SPMIP2: variants seen among roughly 807,000 people sequenced by gnomAD.
The protein encoded by SPMIP2 is sperm microtubule inner protein 2.
chr4:158,919,985 G>A, the SPMIP2 span, among the ~76,000 whole-genome samples: 9 of 152,196 alleles, frequency 5.9e-5, no homozygotes, highest in East Asian at 1.9e-4. Context: ...ATTGGATTAC[G>A]GGTGTTGCAG....
chr4:159,002,878 G>C, the SPMIP2 span, among the ~76,000 whole-genome samples: 3 of 152,040 alleles, frequency 2.0e-5, no homozygotes, highest in Non-Finnish European at 4.4e-5. Context: ...GCAGTGCTAT[G>C]ATGGCTACCT....
At chr4:159,078,400 G>C in the SPMIP2 span, among the ~76,000 whole-genome samples, 1 of 152,208 alleles carries the variant, frequency 6.6e-6, no homozygotes, top group African/African-American at 2.4e-5. Context: ...TCGAAAAGAT[G>C]AGAGTGCGGA....
At chr4:159,032,886 T>C in the SPMIP2 span, among the ~76,000 whole-genome samples, 6 of 148,216 alleles carry the variant, frequency 4.0e-5, no homozygotes, top group Non-Finnish European at 7.4e-5. Context: ...ACATGCAAAA[T>C]AGTATAGCTA....
At chr4:158,921,882 T>C in the SPMIP2 span, among the ~76,000 whole-genome samples, 2 of 121,168 alleles carry the variant, frequency 1.7e-5, no homozygotes, top group Admixed American at 1.2e-4. Context: ...TCCTTCTACA[T>C]ACTTTTTTTT....
At chr4:159,049,435 C>T in the SPMIP2 span, among the ~76,000 whole-genome samples, 1 of 152,108 alleles carries the variant, frequency 6.6e-6, no homozygotes, top group African/African-American at 2.4e-5. Context: ...GAATGCAAAC[C>T]AAGTGATTTT....
At chr4:158,945,723 G>A in the SPMIP2 span, among the ~76,000 whole-genome samples, 4 of 152,154 alleles carry the variant, frequency 2.6e-5, no homozygotes, top group South Asian at 4.1e-4. Context: ...GCTATATGCC[G>A]CAGATAAGAC....
chr4:159,073,176 C>T, the SPMIP2 span, among the ~76,000 whole-genome samples: 1 of 151,906 alleles, frequency 6.6e-6, no homozygotes, highest in Non-Finnish European at 1.5e-5. Flanking sequence ...GTTTTGGAGA[C>T]AGGGTCTCAC....
chr4:159,035,172 G>A, the SPMIP2 span: 25 of 1,222,530 alleles, frequency 2.0e-5, no homozygotes, highest in African/African-American at 4.5e-5. Context: ...CAGAAAGAAC[G>A]AAAGACTCTG....
chr4:158,934,123 C>T, the SPMIP2 span, among the ~76,000 whole-genome samples: 1 of 152,274 alleles, frequency 6.6e-6, no homozygotes, highest in African/African-American at 2.4e-5. Flanking sequence ...AGGACTTGAA[C>T]TCAGAGTTGT....
At chr4:159,062,840 C>T in the SPMIP2 span, among the ~76,000 whole-genome samples, 2 of 151,804 alleles carry the variant, frequency 1.3e-5, no homozygotes, top group Non-Finnish European at 1.5e-5. Context: ...AGGTGTGCAC[C>T]ACCAGGCCTG....
the SPMIP2 span, among the ~76,000 whole-genome samples, chr4:159,066,694 G>A: frequency 6.6e-6 from 1 of 151,008 alleles, no homozygotes; most frequent in Non-Finnish European, 1.5e-5. Context: ...AAACTTGTCA[G>A]TTTGGACCCT....
chr4:158,900,388 A>G, the SPMIP2 span, among the ~76,000 whole-genome samples: 3 of 152,146 alleles, frequency 2.0e-5, no homozygotes, highest in Non-Finnish European at 4.4e-5. Flanking sequence ...TCAAGTCCTG[A>G]ATACCCTGTT....
the SPMIP2 span, among the ~76,000 whole-genome samples, chr4:158,959,443 T>G: frequency 2.6e-3 from 6 of 2,320 alleles, no homozygotes; most frequent in East Asian, 0.5. Flanking sequence ...CACTAAGGTA[T>G]TTTTTTTGTT....
chr4:158,977,678 A>G, the SPMIP2 span, among the ~76,000 whole-genome samples: 3 of 138,642 alleles, frequency 2.2e-5, no homozygotes, highest in Non-Finnish European at 4.5e-5. Flanking sequence ...GCAGTGGCAC[A>G]ATCTCGGCTC....
chr4:158,954,177 C>T, the SPMIP2 span, among the ~76,000 whole-genome samples: 2 of 152,168 alleles, frequency 1.3e-5, no homozygotes, highest in Non-Finnish European at 2.9e-5. Context: ...AATTGTACTC[C>T]CATAATTCCC....
the SPMIP2 span, among the ~76,000 whole-genome samples, chr4:158,947,120 A>T: frequency 2.3e-4 from 35 of 152,322 alleles, no homozygotes; most frequent in African/African-American, 8.4e-4. Flanking sequence ...CTAAGGGGCC[A>T]AAGTAAGAAT....
At chr4:158,918,117 T>C in the SPMIP2 span, among the ~76,000 whole-genome samples, 1 of 152,158 alleles carries the variant, frequency 6.6e-6, no homozygotes, top group African/African-American at 2.4e-5. Context: ...CCGGAGTGTA[T>C]CTCATTCGTC....
the SPMIP2 span, among the ~76,000 whole-genome samples, chr4:159,074,011 C>A: frequency 2.6e-5 from 4 of 151,890 alleles, no homozygotes; most frequent in Non-Finnish European, 4.4e-5. Flanking sequence ...TCTCAAAAAA[C>A]AAAAACGAAA....
chr4:158,964,473 T>C, the SPMIP2 span, among the ~76,000 whole-genome samples: 30 of 152,202 alleles, frequency 2.0e-4, no homozygotes, highest in African/African-American at 6.5e-4. Flanking sequence ...AAATGAGTAT[T>C]GATTTAAGCT....
Sources: gnomAD v4.1 joint callset for allele counts (sites outside exome capture counted in the v4.1 genomes callset) on GRCh38, gnomAD v4.1.1 for gene constraint, MANE v1.5 for transcripts, NCBI Gene and HGNC (gene_info 2026-07-23, HGNC 2026-07-21) for gene names.